Variants in SGF29 observed in about 807,000 individuals in gnomAD.
SGF29 encodes the protein SAGA complex associated factor 29, also known as SAGA-associated factor 29.
In SGF29, 15 loss-of-function variants were observed where a neutral mutation model predicts 38.1. That is an observed-to-expected ratio of 0.39 (90% CI 0.26 to 0.61). SGF29 has a LOEUF of 0.61. SGF29 is among the 20% of genes least tolerant of loss of function. The pLI is 0.49. For synonymous variants in SGF29, 151 were observed against 160.8 expected (o/e 0.94, Z 0.46); for missense variants, 184 against 394.6 (o/e 0.47, Z 4.52).
At chr16:28,577,699 T>G (rs1422824077) in intron 1 of SGF29, among the ~76,000 whole-genome samples, 9 of 152,256 alleles carry the variant, frequency 5.9e-5, no homozygotes, top group Admixed American at 5.9e-4. Flanking sequence ...TAGTTTTGAC[T>G]TGCATTTCCC....
intron 1 of SGF29, among the ~76,000 whole-genome samples, chr16:28,574,914 C>G (rs1007077759): frequency 1.3e-5 from 2 of 152,178 alleles, no homozygotes; most frequent in Admixed American, 6.5e-5. Context: ...ACTAGGGAGA[C>G]TAAAGCAACT....
chr16:28,578,078 C>A (rs1024928110), intron 1 of SGF29, among the ~76,000 whole-genome samples: 12 of 151,732 alleles, frequency 7.9e-5, no homozygotes, highest in African/African-American at 2.9e-4. Flanking sequence ...TCGTCTGGAC[C>A]CCTGGCTGCA....
At chr16:28,557,310 G>T (rs537947602) in intron 1 of SGF29, among the ~76,000 whole-genome samples, 1 of 152,334 alleles carries the variant, frequency 6.6e-6, no homozygotes, top group South Asian at 2.1e-4. Context: ...GCTGAAAGGG[G>T]TGTTTGTTGA....
intron 1 of SGF29, among the ~76,000 whole-genome samples, chr16:28,560,430 A>G (rs1380578095): frequency 2.0e-5 from 3 of 150,950 alleles, no homozygotes; most frequent in Non-Finnish European, 4.4e-5. Flanking sequence ...CTCTACTAAA[A>G]ATACTAAAAT....
intron 1 of SGF29, among the ~76,000 whole-genome samples, chr16:28,563,671 T>G (rs1242591553): frequency 6.6e-6 from 1 of 152,060 alleles, no homozygotes; most frequent in Non-Finnish European, 1.5e-5. Flanking sequence ...GCATATATTG[T>G]TTACTCAGTT....
At chr16:28,568,127 A>G (rs895310898) in intron 1 of SGF29, among the ~76,000 whole-genome samples, 1 of 151,880 alleles carries the variant, frequency 6.6e-6, no homozygotes, top group Non-Finnish European at 1.5e-5. Context: ...AGGCTGACCA[A>G]CATGGTGAAA....
intron 1 of SGF29, among the ~76,000 whole-genome samples, chr16:28,564,516 T>C (rs1482791743): frequency 7.3e-6 from 1 of 137,862 alleles, no homozygotes; most frequent in East Asian, 2.1e-4. Context: ...TGTGTATATA[T>C]ATATGTGTGT....
intron 1 of SGF29, among the ~76,000 whole-genome samples, chr16:28,557,412 C>T (rs536305862): frequency 5.6e-4 from 86 of 152,296 alleles, no homozygotes; most frequent in Non-Finnish European, 6.8e-4. Flanking sequence ...GGAAGCTCTT[C>T]GCTCCTTCCC....
intron 1 of SGF29, among the ~76,000 whole-genome samples, chr16:28,573,056 A>C (rs749471125): frequency 2.6e-5 from 4 of 152,016 alleles, no homozygotes; most frequent in Non-Finnish European, 5.9e-5. Context: ...TTCCACGGAA[A>C]ATGTTTTCCC....
At chr16:28,555,996 A>G (rs2046748527) in intron 1 of SGF29, among the ~76,000 whole-genome samples, 1 of 152,130 alleles carries the variant, frequency 6.6e-6, no homozygotes, top group Non-Finnish European at 1.5e-5. Flanking sequence ...TACCTAGCAT[A>G]ACCTATCTGA....
intron 1 of SGF29, among the ~76,000 whole-genome samples, chr16:28,562,309 C>A (rs1350457114): frequency 6.6e-6 from 1 of 152,028 alleles, no homozygotes; most frequent in Non-Finnish European, 1.5e-5. Context: ...TTATTGAGAC[C>A]CAGAAAGGTT....
chr16:28,580,097 C>T (rs764070342), intron 1 of SGF29, among the ~76,000 whole-genome samples: 1 of 152,100 alleles, frequency 6.6e-6, no homozygotes, highest in Non-Finnish European at 1.5e-5. Flanking sequence ...AATCATTTGT[C>T]AGGATATTGG....
In SGF29 at chr16:28,581,900, C is replaced by T. The variant is rs2046928129; in HGVS notation, c.75+756C>T. 4.9e-5 allele frequency among the ~76,000 whole-genome samples: 7 copies of T among 143,882 alleles called. No homozygotes were observed. In the Admixed American group the frequency reaches 5.0e-4, roughly 10 times the overall value. 94.4% of individuals were successfully genotyped at this position (143,882 alleles called of 152,430 possible). ...CGCCACTGCACTCCAGCCTGGGTGA[C>T]AAAGCAAGACTCCATCTCAAAAAAA... On this transcript the variant is annotated intron_variant, in intron 2 of 9. Transcript: ENST00000317058.
intron 1 of SGF29, among the ~76,000 whole-genome samples, chr16:28,574,912 G>T (rs2046884494): frequency 6.6e-6 from 1 of 152,318 alleles, no homozygotes; most frequent in African/African-American, 2.4e-5. Context: ...CAACTAGGGA[G>T]ACTAAAGCAA....
chr16:28,584,843 G>A (rs1203168590), intron 2 of SGF29, 70 bp from the exon 3 acceptor site: 10 of 1,117,494 alleles, frequency 8.9e-6, no homozygotes, highest in Non-Finnish European at 1.3e-5. Context: ...TGGGGACTCT[G>A]GCCTGGCTGG....
intron 1 of SGF29, among the ~76,000 whole-genome samples, chr16:28,570,987 A>G (rs1296482631): frequency 6.6e-6 from 1 of 152,130 alleles, no homozygotes; most frequent in Non-Finnish European, 1.5e-5. Context: ...GTATTTTGCA[A>G]GTAAAAAGGA....
Position 28,591,731 on chromosome 16 carries a change from C to A in SGF29, c.*25C>A, listed in dbSNP as rs201607739. The A allele has an allele frequency of 3.4e-5, 53 of 1,544,044 alleles. No homozygotes were observed. The highest frequency in any genetic ancestry group is 4.7e-5 in the Non-Finnish European group (52 of 1,116,834). On this transcript the variant is annotated 3_prime_UTR_variant, in exon 10 of 10. Coordinates refer to ENST00000317058, the MANE Select transcript of SGF29 (RefSeq NM_138414.3). ...ATGCCGCCTGGCAGACTCGCCATCCCCCAACGACACAGGGCAGGACAGCAG... is the reference window on the plus strand; with the variant it reads ...ATGCCGCCTGGCAGACTCGCCATCCACCAACGACACAGGGCAGGACAGCAG...
chr16:28,591,790 A>G lies in SGF29; in HGVS notation c.*84A>G, dbSNP rs1293322802. On this transcript the variant is annotated 3_prime_UTR_variant, in exon 10 of 10. Coordinates refer to ENST00000317058, the MANE Select transcript of SGF29 (RefSeq NM_138414.3). The stretch of plus-strand genomic sequence containing the variant: ...CTGGGATTAAACACATTCCCCCTCT[A>G]CTCGTCTCCTGGGTTTTACTTCTCC... 17 of 1,301,530 alleles carry G rather than the reference A, an allele frequency of 1.3e-5. No individual in the cohort carries two copies. Among genetic ancestry groups the G allele is most frequent in the Middle Eastern group, 1.9e-4 (1 of 5,196 alleles). 80.6% of individuals were successfully genotyped at this position (1,301,530 alleles called of 1,614,324 possible).
At chr16:28,556,842 C>T (rs1442675870) in intron 1 of SGF29, among the ~76,000 whole-genome samples, 1 of 152,010 alleles carries the variant, frequency 6.6e-6, no homozygotes, top group Non-Finnish European at 1.5e-5. Flanking sequence ...GAGACAGGGC[C>T]TCCGTGTGTT....
Sources: allele counts gnomAD v4.1 joint callset (sites outside exome capture counted in the v4.1 genomes callset), GRCh38; gene constraint gnomAD v4.1.1; transcripts MANE v1.5; gene names NCBI Gene and HGNC (gene_info 2026-07-23, HGNC 2026-07-21).